Variants in GRHL2 observed in about 807,000 individuals in gnomAD.
The protein encoded by GRHL2 is grainyhead like transcription factor 2.
A neutral mutation model predicts 83.8 loss-of-function variants in GRHL2; 21 were observed. The observed-to-expected ratio is 0.25, with a 90% CI of 0.18 to 0.36. GRHL2 has a LOEUF of 0.36. Among genes scored for constraint, GRHL2 ranks in the 10% least tolerant of loss-of-function variants. The pLI, the probability that GRHL2 is intolerant of heterozygous loss-of-function variation, is 1.00. For missense variants in GRHL2, 623 were observed against 781.8 expected (o/e 0.80, Z 2.42); for synonymous variants, 280 against 278.9 (o/e 1.00, Z -0.04).
chr8:101,578,607 A>G (rs1232310233), intron 7 of GRHL2, among the ~76,000 whole-genome samples: 1 of 152,172 alleles, frequency 6.6e-6, no homozygotes, highest in Non-Finnish European at 1.5e-5. Flanking sequence ...TTTCCATAAG[A>G]AGTAAGTCAT....
At chr8:101,655,313 C>A (rs1298532835) in intron 14 of GRHL2, among the ~76,000 whole-genome samples, 2 of 152,172 alleles carry the variant, frequency 1.3e-5, no homozygotes, top group Admixed American at 1.3e-4. Flanking sequence ...CAAATCATAA[C>A]TGTGTAGTCT....
At chr8:101,672,039 C>CA (rs1814219454), downstream of GRHL2, among the ~76,000 whole-genome samples, 1 of 151,760 alleles carries the variant, frequency 6.6e-6, no homozygotes. Flanking sequence ...ACATCCACAC[C>CA]AAAAACCCTT....
At chr8:101,622,816 AG>A (rs1812992016) in intron 9 of GRHL2, among the ~76,000 whole-genome samples, 1 of 152,166 alleles carries the variant, frequency 6.6e-6, no homozygotes, top group Admixed American at 6.5e-5. Flanking sequence ...TGATATTTGT[AG>A]TCTTTTATCC....
At chr8:101,609,364 G>T (rs891478117) in intron 8 of GRHL2, among the ~76,000 whole-genome samples, 3 of 150,778 alleles carry the variant, frequency 2.0e-5, no homozygotes, top group Non-Finnish European at 2.9e-5. Context: ...CCCAACCCAG[G>T]TCCACTGAAT....
At chr8:101,658,302 T>C (rs1244120002) in intron 14 of GRHL2, among the ~76,000 whole-genome samples, 1 of 152,224 alleles carries the variant, frequency 6.6e-6, no homozygotes, top group Non-Finnish European at 1.5e-5. Flanking sequence ...CCATTTTCTC[T>C]AGCAGTTGAG....
intron 4 of GRHL2, among the ~76,000 whole-genome samples, chr8:101,565,189 A>G (rs1811690776): frequency 6.6e-6 from 1 of 152,232 alleles, no homozygotes; most frequent in Admixed American, 6.5e-5. Context: ...ACCAAAGATC[A>G]TGCCACTAAT....
At chr8:101,533,575 A>C (rs899339677) in intron 1 of GRHL2, among the ~76,000 whole-genome samples, 2 of 152,218 alleles carry the variant, frequency 1.3e-5, no homozygotes, top group Non-Finnish European at 1.5e-5. Context: ...AGTAAGTTAC[A>C]TTGTGTTTAA....
intron 4 of GRHL2, among the ~76,000 whole-genome samples, chr8:101,566,464 C>T (rs1381521262): frequency 6.6e-6 from 1 of 151,650 alleles, no homozygotes; most frequent in Non-Finnish European, 1.5e-5. Flanking sequence ...TCCACAGCTT[C>T]AGTTATCATC....
chr8:101,633,119 G>C (rs554436853), intron 11 of GRHL2, among the ~76,000 whole-genome samples: 1 of 152,150 alleles, frequency 6.6e-6, no homozygotes, highest in East Asian at 1.9e-4. Context: ...AATTTGAAGG[G>C]AGCAAGAAAA....
chr8:101,589,842 G>T (rs556104650), intron 7 of GRHL2, among the ~76,000 whole-genome samples: 1 of 152,112 alleles, frequency 6.6e-6, no homozygotes, highest in Non-Finnish European at 1.5e-5. Context: ...TTATTGTCCT[G>T]GATTATGTAT....
chr8:101,574,892 C>T (rs1407130325), intron 6 of GRHL2, among the ~76,000 whole-genome samples: 1 of 152,234 alleles, frequency 6.6e-6, no homozygotes, highest in Non-Finnish European at 1.5e-5. Context: ...CTGAAACTGA[C>T]AACAATCCTA....
chr8:101,572,994 A>T (rs567158704), intron 5 of GRHL2, among the ~76,000 whole-genome samples: 17 of 152,354 alleles, frequency 1.1e-4, no homozygotes, highest in Admixed American at 1.0e-3. Context: ...GCTGTGTTCC[A>T]ATAAACCTTT....
chr8:101,655,704 G>A (rs1023119845), intron 14 of GRHL2, among the ~76,000 whole-genome samples: 1 of 151,948 alleles, frequency 6.6e-6, no homozygotes, highest in Non-Finnish European at 1.5e-5. Context: ...TGCATATTTA[G>A]TATTACATCA....
chr8:101,588,317 C>G (rs1322028323), intron 7 of GRHL2, among the ~76,000 whole-genome samples: 2 of 152,182 alleles, frequency 1.3e-5, no homozygotes, highest in Non-Finnish European at 2.9e-5. Flanking sequence ...GTTTCCCTCC[C>G]TAAGAGAACT....
At chr8:101,640,555 A>G (rs1032036320) in intron 12 of GRHL2, among the ~76,000 whole-genome samples, 2 of 152,244 alleles carry the variant, frequency 1.3e-5, no homozygotes, top group African/African-American at 4.8e-5. Flanking sequence ...AATAGCATGC[A>G]TGATGATAAA....
intron 1 of GRHL2, among the ~76,000 whole-genome samples, chr8:101,517,425 G>C (rs1028261924): frequency 6.6e-6 from 1 of 152,166 alleles, no homozygotes; most frequent in African/African-American, 2.4e-5. Flanking sequence ...AGAGTGCAGG[G>C]AAAGTGTCCA....
chr8:101,647,554 A>G (rs1813537263), intron 13 of GRHL2, among the ~76,000 whole-genome samples: 1 of 152,164 alleles, frequency 6.6e-6, no homozygotes, highest in Non-Finnish European at 1.5e-5. Context: ...TACCGCTAAC[A>G]TTGAGTCCTC....
chr8:101,680,724 A>C, the GRHL2 span, among the ~76,000 whole-genome samples: 1 of 129,840 alleles, frequency 7.7e-6, no homozygotes, highest in Non-Finnish European at 1.6e-5. Context: ...ATAATAAACT[A>C]TCTCTCAGAC....
At chr8:101,605,464 G>A (rs1187308270) in intron 8 of GRHL2, among the ~76,000 whole-genome samples, 1 of 152,122 alleles carries the variant, frequency 6.6e-6, no homozygotes, top group Non-Finnish European at 1.5e-5. Flanking sequence ...CAATCTATAG[G>A]GTACAACCTG....
Sources: allele counts gnomAD v4.1 joint callset (sites outside exome capture counted in the v4.1 genomes callset), GRCh38; gene constraint gnomAD v4.1.1; transcripts MANE v1.5; gene names NCBI Gene and HGNC (gene_info 2026-07-23, HGNC 2026-07-21).